TPD52: variants seen among roughly 807,000 people sequenced by gnomAD.
The protein encoded by TPD52 is prostate and colon associated protein.
Under a neutral mutation model 31.3 loss-of-function variants are expected in TPD52, and 17 were observed. That is an observed-to-expected ratio of 0.54 (90% CI 0.37 to 0.82). The LOEUF (loss-of-function observed/expected upper bound fraction) is 0.82. Ranked by LOEUF, TPD52 falls within the 40% of genes least tolerant of loss-of-function variation. TPD52 has a pLI of 0.00. For missense variants in TPD52, 212 were observed against 240.1 expected, an observed-to-expected ratio of 0.88 and a Z score of 0.77; for synonymous variants, 83 against 89.6, an observed-to-expected ratio of 0.93 and a Z score of 0.42.
At chr8:80,155,879 A>C (rs1810934318) in intron 1 of TPD52, among the ~76,000 whole-genome samples, 1 of 149,450 alleles carries the variant, frequency 6.7e-6, no homozygotes, top group East Asian at 1.9e-4. Flanking sequence ...GGAAAACTTC[A>C]TCTCAAAAAA....
chr8:80,049,574 A>G (rs6651333), intron 5 of TPD52, among the ~76,000 whole-genome samples: 13,616 of 152,210 alleles, frequency 0.089, 1,780 homozygotes, highest in African/African-American at 0.29. Flanking sequence ...ACCATGAGTG[A>G]TTGCTTAAGA....
At chr8:80,094,052 T>C (rs956397718) in intron 1 of TPD52, among the ~76,000 whole-genome samples, 1 of 152,174 alleles carries the variant, frequency 6.6e-6, no homozygotes, top group Non-Finnish European at 1.5e-5. Context: ...TGTTGACTTT[T>C]CTCAGAGTTT....
intron 1 of TPD52, among the ~76,000 whole-genome samples, chr8:80,081,806 T>TTTTTG (rs1396650603): frequency 6.6e-6 from 1 of 152,202 alleles, no homozygotes; most frequent in African/African-American, 2.4e-5. Flanking sequence ...AGTAGGTCTT[T>TTTTTG]TTTTGTTTTG....
chr8:80,047,145 C>T (rs925115734), intron 5 of TPD52, among the ~76,000 whole-genome samples: 1 of 152,176 alleles, frequency 6.6e-6, no homozygotes, highest in Non-Finnish European at 1.5e-5. Flanking sequence ...ACCACCACTG[C>T]TCTGGGGAGG....
intron 1 of TPD52, among the ~76,000 whole-genome samples, chr8:80,149,622 T>A (rs1479420761): frequency 6.6e-6 from 1 of 152,190 alleles, no homozygotes; most frequent in Non-Finnish European, 1.5e-5. Context: ...GTTGAATGCC[T>A]TTAATCTAAA....
At chr8:80,121,828 C>G (rs1017104419) in intron 1 of TPD52, among the ~76,000 whole-genome samples, 1 of 152,124 alleles carries the variant, frequency 6.6e-6, no homozygotes, top group East Asian at 1.9e-4. Flanking sequence ...CTGGCTTTAT[C>G]CCTTTCTTTA....
chr8:80,122,701 C>T (rs746114102), intron 1 of TPD52, among the ~76,000 whole-genome samples: 2 of 152,210 alleles, frequency 1.3e-5, no homozygotes, highest in Non-Finnish European at 2.9e-5. Context: ...GAGTGTAATA[C>T]AGTGCTTAAT....
chr8:80,099,705 T>C (rs1384704596), intron 1 of TPD52, among the ~76,000 whole-genome samples: 2 of 152,054 alleles, frequency 1.3e-5, no homozygotes, highest in Admixed American at 6.6e-5. Flanking sequence ...GAGACGGGGT[T>C]TTACCATGTT....
At chr8:80,102,593 A>G (rs1480165817) in intron 1 of TPD52, among the ~76,000 whole-genome samples, 1 of 152,192 alleles carries the variant, frequency 6.6e-6, no homozygotes, top group African/African-American at 2.4e-5. Flanking sequence ...GGCCTTTTAG[A>G]ACATCGTGTT....
At chr8:80,031,432 A>G (rs959919686), downstream of TPD52, among the ~76,000 whole-genome samples, 12 of 152,224 alleles carry the variant, frequency 7.9e-5, no homozygotes, top group Non-Finnish European at 1.8e-4. Context: ...CTTGGCAGTT[A>G]AAACTGTTTA....
chr8:80,120,551 C>T (rs937031134), intron 1 of TPD52, among the ~76,000 whole-genome samples: 4 of 152,122 alleles, frequency 2.6e-5, no homozygotes, highest in African/African-American at 9.7e-5. Flanking sequence ...TAAAAGCTAT[C>T]GATGGGACTA....
intron 1 of TPD52, among the ~76,000 whole-genome samples, chr8:80,085,592 G>T (rs1217466017): frequency 6.6e-6 from 1 of 151,958 alleles, no homozygotes; most frequent in Non-Finnish European, 1.5e-5. Context: ...GCCAATATGG[G>T]ACAATCAGGC....
At chr8:80,094,981 G>T (rs1339743115) in intron 1 of TPD52, among the ~76,000 whole-genome samples, 1 of 152,060 alleles carries the variant, frequency 6.6e-6, no homozygotes, top group African/African-American at 2.4e-5. Context: ...GAGATGCTGG[G>T]ACCAAGAATA....
intron 1 of TPD52, chr8:80,067,254 T>G (rs1813259831): frequency 6.6e-6 from 1 of 152,192 alleles, no homozygotes; most frequent in African/African-American, 2.4e-5. Context: ...ACCTTGAGAT[T>G]TTATATTCAG....
At chr8:80,041,765 C>A (rs893968212) in intron 7 of TPD52, among the ~76,000 whole-genome samples, 1 of 152,044 alleles carries the variant, frequency 6.6e-6, no homozygotes, top group Non-Finnish European at 1.5e-5. Flanking sequence ...AAATGTCCAA[C>A]AATTGAGGAC....
intron 1 of TPD52, among the ~76,000 whole-genome samples, chr8:80,132,122 T>C (rs1452451773): frequency 2.0e-5 from 3 of 152,068 alleles, no homozygotes; most frequent in African/African-American, 4.8e-5. Flanking sequence ...CTCAATCTCC[T>C]GGGCTCATGC....
chr8:80,127,860 A>T (rs1237892151), intron 1 of TPD52, among the ~76,000 whole-genome samples: 1 of 152,034 alleles, frequency 6.6e-6, no homozygotes, highest in Non-Finnish European at 1.5e-5. Flanking sequence ...TAAAAAATAT[A>T]AAGGTAAATA....
chr8:80,097,811 T>C (rs1375746140), intron 1 of TPD52, among the ~76,000 whole-genome samples: 1 of 152,232 alleles, frequency 6.6e-6, no homozygotes, highest in Non-Finnish European at 1.5e-5. Context: ...CAGCCTTTTA[T>C]TGGAAGAAAA....
intron 1 of TPD52, chr8:80,080,903 CCAGGG>C (rs1302550135): frequency 3.4e-6 from 1 of 294,210 alleles, no homozygotes; most frequent in Non-Finnish European, 5.0e-6. Flanking sequence ...CATGACTACA[CCAGGG>C]CAGACTTAAT....
Sources: gnomAD v4.1 joint callset for allele counts (sites outside exome capture counted in the v4.1 genomes callset) on GRCh38, gnomAD v4.1.1 for gene constraint, MANE v1.5 for transcripts, NCBI Gene and HGNC (gene_info 2026-07-23, HGNC 2026-07-21) for gene names.